The following SMYD3 variants were observed in gnomAD, a reference collection of about 807,000 sequenced individuals.
SMYD3 encodes the protein histone-lysine N-methyltransferase SMYD3.
Under a neutral mutation model 57.7 loss-of-function variants are expected in SMYD3, and 36 were observed. That is an observed-to-expected ratio of 0.62 (90% CI 0.48 to 0.82). The LOEUF (loss-of-function observed/expected upper bound fraction) is 0.82, where lower values mean the gene tolerates loss of function less well. Ranked by LOEUF, SMYD3 falls within the 40% of genes least tolerant of loss-of-function variation. The pLI is 0.00. For synonymous variants in SMYD3, 211 were observed against 195.0 expected, an observed-to-expected ratio of 1.08 and a Z score of -0.68; for missense variants, 515 against 538.8, an observed-to-expected ratio of 0.96 and a Z score of 0.44.
At chr1:246,205,504 G>A (rs1372512109) in intron 5 of SMYD3, among the ~76,000 whole-genome samples, 1 of 152,152 alleles carries the variant, frequency 6.6e-6, no homozygotes, top group Non-Finnish European at 1.5e-5. Context: ...GGCATAACAG[G>A]AATTAGACAG....
chr1:246,207,851 G>A (rs2063025044), intron 5 of SMYD3, among the ~76,000 whole-genome samples: 1 of 151,562 alleles, frequency 6.6e-6, no homozygotes, highest in South Asian at 2.1e-4. Context: ...TCAATCTCAA[G>A]TTTTCACAGG....
At chr1:246,228,818 T>C (rs544297679) in intron 5 of SMYD3, among the ~76,000 whole-genome samples, 1 of 142,688 alleles carries the variant, frequency 7.0e-6, no homozygotes, top group Non-Finnish European at 1.5e-5. Context: ...AAAGAAGCCT[T>C]CTTTTTTTTA....
intron 5 of SMYD3, among the ~76,000 whole-genome samples, chr1:246,318,668 A>T (rs1247872880): frequency 6.6e-6 from 1 of 152,232 alleles, no homozygotes; most frequent in Non-Finnish European, 1.5e-5. Context: ...ACAGACATTT[A>T]AAAAATATCA....
At chr1:246,255,254 G>A (rs2063862249) in intron 5 of SMYD3, among the ~76,000 whole-genome samples, 1 of 151,512 alleles carries the variant, frequency 6.6e-6, no homozygotes, top group African/African-American at 2.4e-5. Context: ...GGATAATGTT[G>A]GCTATGGGTT....
chr1:246,268,924 TAA>T (rs1488835441), intron 5 of SMYD3, among the ~76,000 whole-genome samples: 1 of 151,180 alleles, frequency 6.6e-6, no homozygotes, highest in African/African-American at 2.4e-5. Context: ...TCACTGTTAA[TAA>T]AATGATCCAA....
At chr1:246,119,536 C>G (rs2061393547) in intron 5 of SMYD3, among the ~76,000 whole-genome samples, 1 of 152,030 alleles carries the variant, frequency 6.6e-6, no homozygotes. Context: ...CCTCAGCCTC[C>G]TGAGTAGCTG....
chr1:245,824,521 A>C (rs894839208), intron 10 of SMYD3, among the ~76,000 whole-genome samples: 1 of 152,158 alleles, frequency 6.6e-6, no homozygotes, highest in Non-Finnish European at 1.5e-5. Context: ...GTTCGAGACC[A>C]GCCTGGCCAA....
chr1:246,014,100 G>A (rs998425154), intron 5 of SMYD3, among the ~76,000 whole-genome samples: 4 of 152,198 alleles, frequency 2.6e-5, no homozygotes, highest in African/African-American at 4.8e-5. Flanking sequence ...CATGGTGGGC[G>A]GATCATGAGG....
Position 246,255,033 on chromosome 1 carries a change from T to C in SMYD3, c.531+72168A>G, listed in dbSNP as rs114633615. 3.9e-3 allele frequency among the ~76,000 whole-genome samples: 591 copies of C among 152,234 alleles called. 3 individuals are homozygous for C. The highest frequency in any genetic ancestry group is 0.013 in the African/African-American group (555 of 41,540). On this transcript the variant is annotated intron_variant, in intron 5 of 11. Coordinates refer to ENST00000490107, the MANE Select transcript of SMYD3 (RefSeq NM_001167740.2). Reference sequence around the variant, plus strand: ...CAGTTTCAGGAGCCTTTTGGTGGAGTCTTTGGGACTTTACAGGTATATAAT... The same window carrying C: ...CAGTTTCAGGAGCCTTTTGGTGGAGCCTTTGGGACTTTACAGGTATATAAT...
At chr1:245,987,198 T>C (rs2058721795) in intron 5 of SMYD3, among the ~76,000 whole-genome samples, 1 of 152,202 alleles carries the variant, frequency 6.6e-6, no homozygotes. Context: ...AATCCAGATG[T>C]TCCCATAATC....
chr1:246,242,888 CAAG>C (rs1365123612), intron 5 of SMYD3, among the ~76,000 whole-genome samples: 2 of 152,164 alleles, frequency 1.3e-5, no homozygotes, highest in African/African-American at 2.4e-5. Flanking sequence ...ATCAGTTCAA[CAAG>C]AAGAGCTAAC....
chr1:246,436,926 A>T (rs2067386798), intron 1 of SMYD3, among the ~76,000 whole-genome samples: 1 of 135,708 alleles, frequency 7.4e-6, no homozygotes. Flanking sequence ...TTTGAGACAG[A>T]GTTTTCACTC....
chr1:245,780,331 A>G (rs1436878348), intron 10 of SMYD3, among the ~76,000 whole-genome samples: 1 of 152,246 alleles, frequency 6.6e-6, no homozygotes, highest in Non-Finnish European at 1.5e-5. Context: ...GTGGAATATT[A>G]TTCAGCCATG....
chr1:246,494,430 C>T (rs976078522), intron 1 of SMYD3, among the ~76,000 whole-genome samples: 1 of 152,116 alleles, frequency 6.6e-6, no homozygotes, highest in Non-Finnish European at 1.5e-5. Flanking sequence ...AAGCTTTAAA[C>T]AATTATGGGA....
At chr1:245,969,574 C>CT (rs139299244) in intron 5 of SMYD3, among the ~76,000 whole-genome samples, 5,074 of 152,252 alleles carry the variant, frequency 0.033, 259 homozygotes, top group African/African-American at 0.11. Context: ...GCACACAATC[C>CT]TTCAAAGGGC....
intron 5 of SMYD3, among the ~76,000 whole-genome samples, chr1:246,311,458 T>A (rs1273174841): frequency 6.6e-6 from 1 of 152,222 alleles, no homozygotes. Context: ...TGTCATCACA[T>A]CCTTGTAATC....
chr1:246,045,899 G>A (rs1013219794), intron 5 of SMYD3, among the ~76,000 whole-genome samples: 3 of 152,208 alleles, frequency 2.0e-5, no homozygotes, highest in East Asian at 1.9e-4. Flanking sequence ...GGCCATCAGA[G>A]AACTGCAAAT....
intron 5 of SMYD3, among the ~76,000 whole-genome samples, chr1:246,218,036 A>G (rs553798052): frequency 5.1e-5 from 7 of 137,296 alleles, no homozygotes; most frequent in Non-Finnish European, 1.1e-4. Context: ...AAACTATGGT[A>G]CATTCATAGA....
chr1:246,162,223 G>A (rs548433478), intron 5 of SMYD3, among the ~76,000 whole-genome samples: 1 of 152,294 alleles, frequency 6.6e-6, no homozygotes, highest in South Asian at 2.1e-4. Flanking sequence ...AGTTGGCTAA[G>A]TGAAAAGAGA....
Sources: allele counts gnomAD v4.1 joint callset (sites outside exome capture counted in the v4.1 genomes callset), GRCh38; gene constraint gnomAD v4.1.1; transcripts MANE v1.5; gene names NCBI Gene and HGNC (gene_info 2026-07-23, HGNC 2026-07-21).